SLC4A10: variants seen among roughly 807,000 people sequenced by gnomAD.
SLC4A10 encodes the protein sodium-driven chloride bicarbonate exchanger.
Under a neutral mutation model 137.7 loss-of-function variants are expected in SLC4A10, and 42 were observed. The observed-to-expected ratio is 0.30, with a 90% CI of 0.24 to 0.39. The LOEUF is 0.39. Among genes scored for constraint, SLC4A10 ranks in the 10% least tolerant of loss-of-function variants. SLC4A10 has a pLI of 1.00. For missense variants in SLC4A10, 925 were observed against 1,355.0 expected, an observed-to-expected ratio of 0.68 and a Z score of 4.98; for synonymous variants, 474 against 464.1, an observed-to-expected ratio of 1.02 and a Z score of -0.27.
At chr2:161,771,220 A>G (rs1415358645) in intron 2 of SLC4A10, among the ~76,000 whole-genome samples, 166 bp downstream of exon 2, 3 of 151,914 alleles carry the variant, frequency 2.0e-5, no homozygotes, top group Non-Finnish European at 4.4e-5. Context: ...TGGAATGTCA[A>G]TAGGCAGACC....
At chr2:161,746,873 T>C (rs1160355648) in intron 1 of SLC4A10, among the ~76,000 whole-genome samples, 1 of 152,096 alleles carries the variant, frequency 6.6e-6, no homozygotes, top group Non-Finnish European at 1.5e-5. Flanking sequence ...TCTAGAAATG[T>C]TGTCGAGAAG....
At chr2:161,938,428 G>A (rs1315384106) in intron 15 of SLC4A10, among the ~76,000 whole-genome samples, 1 of 151,910 alleles carries the variant, frequency 6.6e-6, no homozygotes, top group Non-Finnish European at 1.5e-5. Flanking sequence ...AAATGGTGAG[G>A]ATTCATTACA....
At chr2:161,636,910 TCTCAGTATGTTG>T (rs1459873285) in intron 1 of SLC4A10, among the ~76,000 whole-genome samples, 13 of 150,766 alleles carry the variant, frequency 8.6e-5, no homozygotes, top group African/African-American at 3.2e-4. Flanking sequence ...AGAGACAGGG[TCTCAGTATGTTG>T]CTCAGGCTGG....
chr2:161,738,478 A>G (rs1222698629), intron 1 of SLC4A10, among the ~76,000 whole-genome samples: 1 of 152,204 alleles, frequency 6.6e-6, no homozygotes, highest in Admixed American at 6.5e-5. Context: ...TGCATTAGTT[A>G]TAGTTTGGTG....
chr2:161,724,413 C>G (rs2046006467), intron 1 of SLC4A10, among the ~76,000 whole-genome samples: 1 of 152,198 alleles, frequency 6.6e-6, no homozygotes, highest in African/African-American at 2.4e-5. Flanking sequence ...TATACTGAGG[C>G]ATTGGTAGTT....
chr2:161,717,639 A>G (rs970476154), intron 1 of SLC4A10, among the ~76,000 whole-genome samples: 6 of 152,178 alleles, frequency 3.9e-5, no homozygotes, highest in African/African-American at 1.4e-4. Context: ...CCAGGGATGA[A>G]GTAGACTTGA....
chr2:161,835,044 T>A (rs1575189849), intron 3 of SLC4A10, among the ~76,000 whole-genome samples: 1 of 151,236 alleles, frequency 6.6e-6, no homozygotes, highest in Non-Finnish European at 1.5e-5. Flanking sequence ...TATGTCTTTT[T>A]TTTTTTTTTT....
intron 2 of SLC4A10, among the ~76,000 whole-genome samples, chr2:161,781,358 G>A (rs1431039432): frequency 6.6e-6 from 1 of 151,982 alleles, no homozygotes; most frequent in Non-Finnish European, 1.5e-5. Context: ...TTCCACTTAT[G>A]TCCTTTAATT....
chr2:161,758,184 T>C (rs1041556410), intron 1 of SLC4A10, among the ~76,000 whole-genome samples: 1 of 151,922 alleles, frequency 6.6e-6, no homozygotes, highest in African/African-American at 2.4e-5. Context: ...ATACTAATAG[T>C]TCTACTACTT....
chr2:161,754,974 T>C (rs1374568155), intron 1 of SLC4A10, among the ~76,000 whole-genome samples: 1 of 152,144 alleles, frequency 6.6e-6, no homozygotes, highest in Non-Finnish European at 1.5e-5. Context: ...CAGATGCAGG[T>C]AAAAACTTGA....
chr2:161,798,703 T>A (rs916508946), intron 2 of SLC4A10, among the ~76,000 whole-genome samples: 1 of 151,452 alleles, frequency 6.6e-6, no homozygotes, highest in Non-Finnish European at 1.5e-5. Context: ...GACATATGTG[T>A]CTTTAAGTTA....
rs2045340469 is a variant in SLC4A10 at position 161,719,321 on chromosome 2, G to C, written c.49-51652G>C. On this transcript the variant is annotated intron_variant, in intron 1 of 26. Coordinates refer to ENST00000446997, the MANE Select transcript of SLC4A10 (RefSeq NM_001178015.2). ...TCTATCATTGTTGGACATTTGGGTT[G>C]GTTCCAAGTCTTTGCTATTGTGAAT... 3.9e-5 allele frequency among the ~76,000 whole-genome samples: 6 copies of C among 152,196 alleles called. No homozygotes were observed. In the South Asian group the frequency reaches 1.2e-3, roughly 32 times the overall value.
intron 5 of SLC4A10, 49 bp downstream of exon 5, chr2:161,855,179 G>C (rs1021069031): frequency 6.6e-7 from 1 of 1,525,240 alleles, no homozygotes; most frequent in South Asian, 1.3e-5. Context: ...CTAATTTTTT[G>C]TTACTCTCTT....
intron 15 of SLC4A10, among the ~76,000 whole-genome samples, chr2:161,937,730 A>G (rs1691837602): frequency 6.6e-6 from 1 of 152,210 alleles, no homozygotes. Flanking sequence ...TTATTGAGTT[A>G]ATTAAGCATT....
intron 3 of SLC4A10, among the ~76,000 whole-genome samples, chr2:161,829,963 A>G (rs2125732793): frequency 6.6e-6 from 1 of 152,318 alleles, no homozygotes; most frequent in South Asian, 2.1e-4. Context: ...TGTCCCCATG[A>G]TTCAATTATC....
Position 161,814,301 on chromosome 2 carries a change from A to G in SLC4A10, c.277+9706A>G, listed in dbSNP as rs938302590. Reference sequence around the variant, plus strand: ...AACAGATTCTGACAAAGCTGCAGAGAAAAGGGTATGCTTACACACTGTTGG... The same window carrying G: ...AACAGATTCTGACAAAGCTGCAGAGGAAAGGGTATGCTTACACACTGTTGG... On this transcript the variant is annotated intron_variant, in intron 3 of 26. Transcript: ENST00000446997. 3.5e-4 allele frequency among the ~76,000 whole-genome samples: 53 copies of G among 152,142 alleles called. 1 individual carries two copies. The highest frequency in any genetic ancestry group is 3.1e-3 in the Admixed American group (48 of 15,244).
intron 1 of SLC4A10, among the ~76,000 whole-genome samples, chr2:161,650,286 G>T (rs1422186780): frequency 1.3e-5 from 2 of 152,206 alleles, no homozygotes; most frequent in Admixed American, 1.3e-4. Flanking sequence ...GTGATTTTTG[G>T]GAAGAACACC....
chr2:161,872,451 A>G, intron 7 of SLC4A10, 67 bp downstream of exon 7: 1 of 1,239,768 alleles, frequency 8.1e-7, no homozygotes. Context: ...ACCCATTTTA[A>G]GAGGTGTTGA....
chr2:161,878,387 G>A (rs2061561763), intron 8 of SLC4A10, among the ~76,000 whole-genome samples: 1 of 152,026 alleles, frequency 6.6e-6, no homozygotes, highest in Non-Finnish European at 1.5e-5. Context: ...TATTGTTAAG[G>A]ATATTTTGCA....
Sources: allele counts gnomAD v4.1 joint callset (sites outside exome capture counted in the v4.1 genomes callset), GRCh38; gene constraint gnomAD v4.1.1; transcripts MANE v1.5; gene names NCBI Gene and HGNC (gene_info 2026-07-23, HGNC 2026-07-21).